Variants in POU2F1 observed in about 807,000 individuals in gnomAD.
POU2F1 encodes the protein POU class 2 homeobox 1.
A neutral mutation model predicts 84.9 loss-of-function variants in POU2F1; 16 were observed. The ratio of observed to expected loss-of-function variants is 0.19; its 90% CI spans 0.13 to 0.29. The LOEUF is 0.29. Among genes scored for constraint, POU2F1 ranks in the 10% least tolerant of loss-of-function variants. POU2F1 has a pLI of 1.00. For synonymous variants in POU2F1, 368 were observed against 368.3 expected (o/e 1.00, Z 0.01); for missense variants, 738 against 942.6 (o/e 0.78, Z 2.84).
At chr1:167,240,550 A>G (rs1207837473) in intron 1 of POU2F1, among the ~76,000 whole-genome samples, 2 of 152,246 alleles carry the variant, frequency 1.3e-5, no homozygotes, top group Non-Finnish European at 2.9e-5. Context: ...AACACACAGG[A>G]CAACAGATAA....
chr1:167,382,567 A>G (rs967959325), intron 7 of POU2F1, among the ~76,000 whole-genome samples: 1 of 152,210 alleles, frequency 6.6e-6, no homozygotes, highest in African/African-American at 2.4e-5. Context: ...TAATTGGGAA[A>G]TAATAAGATT....
rs769166171 is a variant in POU2F1, at chr1:167,374,146, G to GCAGGCA, written c.457_462dup (p.Ala153_Gln154dup). The GCAGGCA allele has an allele frequency of 7.4e-6, 12 of 1,614,104 alleles. No individual in the cohort carries two copies. The highest frequency in any genetic ancestry group is 1.7e-5 in the Admixed American group (1 of 60,034). ...CTGCCCAGCAACAGTTACTACTCCA[G>GCAGGCA]CAGGCACAGGCACAGGCACAGCTGC... On this transcript the variant is annotated inframe_insertion, in exon 6 of 16. Coordinates refer to ENST00000367866, the MANE Select transcript of POU2F1 (RefSeq NM_002697.4).
chr1:167,426,393 T>G lies in POU2F1; in HGVS notation c.*10583T>G, dbSNP rs913524653. ...CTATGTATGTATTAACATAACAGTTTTCACTGCCTAGGTGTTCATAATAAA... is the reference window on the plus strand; with the variant it reads ...CTATGTATGTATTAACATAACAGTTGTCACTGCCTAGGTGTTCATAATAAA... On this transcript the variant is annotated 3_prime_UTR_variant, in exon 16 of 16. Transcript: ENST00000367866. 1 of 152,216 alleles carries G rather than the reference T, an allele frequency of 6.6e-6. No individual in the cohort carries two copies. The highest frequency in any genetic ancestry group is 1.5e-5 in the Non-Finnish European group (1 of 68,048). 9.4% of individuals were successfully genotyped at this position (152,216 alleles called of 1,614,324 possible).
At chr1:167,387,166 C>T in intron 8 of POU2F1, 1 of 456,008 alleles carries the variant, frequency 2.2e-6, no homozygotes, top group South Asian at 1.5e-5. Context: ...CTGAATTCTA[C>T]TCTGCCATTT....
intron 5 of POU2F1, among the ~76,000 whole-genome samples, chr1:167,372,491 C>G (rs757936654): frequency 1.3e-5 from 2 of 152,184 alleles, no homozygotes; most frequent in African/African-American, 4.8e-5. Context: ...GGCTTCATAT[C>G]CTAGCTCTGC....
intron 1 of POU2F1, among the ~76,000 whole-genome samples, chr1:167,250,058 G>A (rs1178041205): frequency 1.3e-5 from 2 of 151,980 alleles, no homozygotes; most frequent in Admixed American, 6.6e-5. Flanking sequence ...AGCAGTATCT[G>A]TAGTATCAAA....
chr1:167,343,296 T>C (rs1657977381), intron 2 of POU2F1, among the ~76,000 whole-genome samples: 2 of 152,166 alleles, frequency 1.3e-5, no homozygotes, highest in Non-Finnish European at 2.9e-5. Flanking sequence ...CAGTAACAAA[T>C]TTAGAATTTT....
rs1451670527 is a variant in POU2F1 at position 167,420,704 on chromosome 1, A to G, written c.*4894A>G. The G allele has an allele frequency of 2.6e-5, 4 of 152,176 alleles. No individual in the cohort carries two copies. Among genetic ancestry groups the G allele is most frequent in the East Asian group, 1.9e-4 (1 of 5,182 alleles). The allele number at this position is 152,176 out of a possible 1,614,324, so 9.4% of individuals were successfully genotyped here. A position where few individuals can be genotyped will look rare whatever the true frequency, so the allele number is the denominator to read the frequency against. On this transcript the variant is annotated 3_prime_UTR_variant, in exon 16 of 16. Coordinates refer to ENST00000367866, the MANE Select transcript of POU2F1 (RefSeq NM_002697.4). ...GCCCTGCCAGGGAGAAGTCAGTAGT[A>G]TTGCTGACTCACTGTATCACTGAGT...
chr1:167,308,732 T>C (rs1424102432), intron 1 of POU2F1, among the ~76,000 whole-genome samples: 1 of 152,112 alleles, frequency 6.6e-6, no homozygotes, highest in Non-Finnish European at 1.5e-5. Flanking sequence ...TTGTTCAGGC[T>C]GATCTCAAAC....
At chr1:167,254,969 G>A (rs997000215) in intron 1 of POU2F1, among the ~76,000 whole-genome samples, 3 of 152,148 alleles carry the variant, frequency 2.0e-5, no homozygotes, top group Admixed American at 6.5e-5. Context: ...AGTGGGAATT[G>A]GTTTTCTTAG....
At chr1:167,380,855 G>T (rs533128197) in intron 7 of POU2F1, 1 of 152,116 alleles carries the variant, frequency 6.6e-6, no homozygotes, top group East Asian at 1.9e-4. Context: ...TTAATTTCTA[G>T]CAAGGGAAAT....
intron 1 of POU2F1, among the ~76,000 whole-genome samples, chr1:167,280,191 GAA>G (rs56375901): frequency 3.2e-5 from 2 of 62,952 alleles, no homozygotes; most frequent in African/African-American, 4.1e-5. Context: ...CTGTCTCGGG[GAA>G]AAAAAAAAAA....
intron 1 of POU2F1, among the ~76,000 whole-genome samples, chr1:167,277,733 G>A (rs142935975): frequency 8.0e-4 from 122 of 152,214 alleles, no homozygotes; most frequent in Non-Finnish European, 1.4e-3. Flanking sequence ...CGCTGATGCC[G>A]CATGCCATCC....
chr1:167,366,835 A>G (rs1659709791), intron 3 of POU2F1, among the ~76,000 whole-genome samples: 1 of 152,150 alleles, frequency 6.6e-6, no homozygotes, highest in Admixed American at 6.6e-5. Context: ...CTGGGTTCCT[A>G]AGAGGAATAG....
chr1:167,335,048 T>C (rs1657348788), intron 2 of POU2F1, among the ~76,000 whole-genome samples: 1 of 152,228 alleles, frequency 6.6e-6, no homozygotes, highest in Admixed American at 6.5e-5. Context: ...CTATACCTTC[T>C]GTCATTGATT....
chr1:167,354,421 G>A (rs1049417035), intron 2 of POU2F1, among the ~76,000 whole-genome samples: 1 of 151,926 alleles, frequency 6.6e-6, no homozygotes, highest in Admixed American at 6.6e-5. Context: ...CCTCCCTAGT[G>A]GCTGGGATTA....
At chr1:167,290,271 C>T (rs1339498504) in intron 1 of POU2F1, among the ~76,000 whole-genome samples, 1 of 151,978 alleles carries the variant, frequency 6.6e-6, no homozygotes. Flanking sequence ...GTGGTGTGCG[C>T]CTATAGTCCC....
intron 1 of POU2F1, among the ~76,000 whole-genome samples, chr1:167,304,721 G>T (rs1165808389): frequency 6.6e-6 from 1 of 152,108 alleles, no homozygotes; most frequent in Non-Finnish European, 1.5e-5. Context: ...TGAAATATTT[G>T]TATATCGTAA....
intron 13 of POU2F1, among the ~76,000 whole-genome samples, chr1:167,402,975 T>G (rs1649313283): frequency 6.6e-6 from 1 of 152,258 alleles, no homozygotes; most frequent in South Asian, 2.1e-4. Context: ...ACAAATAGCT[T>G]TGCAGTTTTC....
Sources: allele counts gnomAD v4.1 joint callset (sites outside exome capture counted in the v4.1 genomes callset), GRCh38; gene constraint gnomAD v4.1.1; transcripts MANE v1.5; gene names NCBI Gene and HGNC (gene_info 2026-07-23, HGNC 2026-07-21).